Variants in GSE1 observed in about 807,000 individuals in gnomAD.
The protein encoded by GSE1 is Gse1 coiled-coil protein.
A neutral mutation model predicts 112.6 loss-of-function variants in GSE1; 32 were observed. The ratio of observed to expected loss-of-function variants is 0.28; its 90% CI spans 0.21 to 0.38. The LOEUF is 0.38. Among genes scored for constraint, GSE1 ranks in the 10% least tolerant of loss-of-function variants. The pLI is 1.00. For synonymous variants in GSE1, 1,115 were observed against 735.6 expected (o/e 1.52, Z -8.35); for missense variants, 2,348 against 1,699.2 (o/e 1.38, Z -6.71).
At chr16:85,385,068 C>T (rs560752583) in intron 2 of GSE1, among the ~76,000 whole-genome samples, 17 of 152,392 alleles carry the variant, frequency 1.1e-4, no homozygotes, top group African/African-American at 3.4e-4. Flanking sequence ...CCACCTGCCC[C>T]GGGCCCTGTT....
intron 1 of GSE1, among the ~76,000 whole-genome samples, chr16:85,174,347 C>T (rs917571658): frequency 6.6e-6 from 1 of 152,206 alleles, no homozygotes; most frequent in Non-Finnish European, 1.5e-5. Context: ...GAGGTGGCAG[C>T]AATCCAGGTG....
chr16:85,191,269 G>A (rs186797708), intron 1 of GSE1, among the ~76,000 whole-genome samples: 157 of 152,086 alleles, frequency 1.0e-3, no homozygotes, highest in African/African-American at 3.6e-3. Flanking sequence ...CAACAACAAC[G>A]ACAACAAAAA....
intron 2 of GSE1, among the ~76,000 whole-genome samples, chr16:85,389,213 A>G (rs1219419857): frequency 6.6e-6 from 1 of 152,146 alleles, no homozygotes; most frequent in African/African-American, 2.4e-5. Context: ...TTATCCCAGC[A>G]CTTTGGGAGG....
At chr16:85,599,357 G>A (rs148148256) in intron 1 of GSE1, among the ~76,000 whole-genome samples, 71 of 152,300 alleles carry the variant, frequency 4.7e-4, no homozygotes, top group African/African-American at 1.6e-3. Flanking sequence ...AGGGCTGAGC[G>A]GCAGACACCC....
At chr16:85,452,851 T>C in intron 2 of GSE1, among the ~76,000 whole-genome samples, 1 of 152,220 alleles carries the variant, frequency 6.6e-6, no homozygotes, top group East Asian at 1.9e-4. Context: ...GGCCCTTCCC[T>C]CTGCCAGGCG....
At chr16:85,185,665 G>A (rs1203851048) in intron 1 of GSE1, among the ~76,000 whole-genome samples, 1 of 152,248 alleles carries the variant, frequency 6.6e-6, no homozygotes, top group Non-Finnish European at 1.5e-5. Flanking sequence ...TGGATAGCAG[G>A]AGAAACGTCC....
At chr16:85,250,416 G>A (rs909201841) in intron 1 of GSE1, among the ~76,000 whole-genome samples, 5 of 152,126 alleles carry the variant, frequency 3.3e-5, no homozygotes. Context: ...GCCCCAGCTG[G>A]GTGTTCCCAG....
chr16:85,230,479 T>G (rs1336409416), intron 1 of GSE1, among the ~76,000 whole-genome samples: 1 of 152,172 alleles, frequency 6.6e-6, no homozygotes, highest in Non-Finnish European at 1.5e-5. Flanking sequence ...TGGGGTGACA[T>G]TGGCTTCAGC....
At chr16:85,280,805 A>T (rs902059950) in intron 1 of GSE1, among the ~76,000 whole-genome samples, 1 of 152,132 alleles carries the variant, frequency 6.6e-6, no homozygotes, top group Non-Finnish European at 1.5e-5. Context: ...CCATTTTTCA[A>T]ACCCTCTGAG....
At position 85,407,251 on chromosome 16, in the gene GSE1, C is replaced by T. The variant is rs145476952; in HGVS notation, c.2464+49608C>T. Among the ~76,000 whole-genome samples, 256 of 54,614 alleles carry T rather than the reference C, an allele frequency of 4.7e-3. 108 individuals are homozygous for T. Among genetic ancestry groups the T allele is most frequent in the African/African-American group, 0.036 (238 of 6,704 alleles). 35.8% of individuals were successfully genotyped at this position (54,614 alleles called of 152,430 possible). On this transcript the variant is annotated intron_variant, in intron 2 of 2. Coordinates refer to the GSE1 transcript ENST00000637419. ...CACTCAGGGCCCCCCGGATAATCCT[C>T]GCTGTTACTCTCAGGGCCCCCCTGG...
intron 1 of GSE1, among the ~76,000 whole-genome samples, chr16:85,629,860 G>T (rs954260160): frequency 6.6e-6 from 1 of 152,208 alleles, no homozygotes. Flanking sequence ...GATGCTGACC[G>T]TATCAGTTAT....
intron 1 of GSE1, among the ~76,000 whole-genome samples, chr16:85,228,204 C>A (rs1034483691): frequency 1.3e-5 from 2 of 152,224 alleles, no homozygotes; most frequent in African/African-American, 4.8e-5. Flanking sequence ...ACTTGGCTCG[C>A]AGTGAAACAT....
intron 2 of GSE1, among the ~76,000 whole-genome samples, chr16:85,375,512 C>A (rs1286536685): frequency 6.6e-6 from 1 of 152,240 alleles, no homozygotes; most frequent in African/African-American, 2.4e-5. Context: ...TGGTGGGGTG[C>A]AGGGCAGCCG....
chr16:85,567,011 C>T (rs995555786), intron 1 of GSE1, among the ~76,000 whole-genome samples: 2 of 151,964 alleles, frequency 1.3e-5, no homozygotes, highest in Admixed American at 6.5e-5. Flanking sequence ...ATCTTAAGGG[C>T]CCAGGGACAA....
At chr16:85,499,353 T>C (rs910624862) in intron 2 of GSE1, among the ~76,000 whole-genome samples, 2 of 127,820 alleles carry the variant, frequency 1.6e-5, no homozygotes, top group Non-Finnish European at 3.2e-5. Flanking sequence ...CTCAGTCGCC[T>C]AGGCCGGAGT....
chr16:85,195,803 A>G (rs1474275504), intron 1 of GSE1, among the ~76,000 whole-genome samples: 3 of 152,212 alleles, frequency 2.0e-5, no homozygotes, highest in Admixed American at 1.3e-4. Context: ...TCTGTGTTTC[A>G]GAAGTCAGCA....
At chr16:85,315,357 G>A (rs369701837) in intron 1 of GSE1, among the ~76,000 whole-genome samples, 4 of 152,160 alleles carry the variant, frequency 2.6e-5, no homozygotes, top group Non-Finnish European at 5.9e-5. Flanking sequence ...TTACAAATAG[G>A]GTTCAGATGG....
chr16:85,328,666 G>A (rs1367007595), intron 1 of GSE1, among the ~76,000 whole-genome samples: 3 of 152,248 alleles, frequency 2.0e-5, no homozygotes, highest in African/African-American at 7.2e-5. Context: ...GCCCTGCAGG[G>A]TCTGCAGTGG....
chr16:85,426,052 T>TGGAAGGAA (rs1346792087), intron 2 of GSE1, among the ~76,000 whole-genome samples: 91 of 125,878 alleles, frequency 7.2e-4, no homozygotes, highest in Middle Eastern at 8.0e-3. Flanking sequence ...GATGGATGGA[T>TGGAAGGAA]GGATGGATGG....
Sources: allele counts gnomAD v4.1 joint callset (sites outside exome capture counted in the v4.1 genomes callset), GRCh38; gene constraint gnomAD v4.1.1; transcripts MANE v1.5; gene names NCBI Gene and HGNC (gene_info 2026-07-23, HGNC 2026-07-21).